The following ARHGAP36 variants were observed in gnomAD, a reference collection of about 807,000 sequenced individuals.
The protein encoded by ARHGAP36 is rho GTPase-activating protein 36.
A neutral mutation model predicts 32.9 loss-of-function variants in ARHGAP36; 7 were observed. The ratio of observed to expected loss-of-function variants is 0.21; its 90% CI spans 0.12 to 0.40. The LOEUF is 0.40. Among genes scored for constraint, ARHGAP36 ranks in the 10% least tolerant of loss-of-function variants. The pLI is 1.00. For missense variants in ARHGAP36, 383 were observed against 442.2 expected (o/e 0.87, Z 1.20); for synonymous variants, 165 against 168.3 (o/e 0.98, Z 0.15).
rs1217602886 is a variant in ARHGAP36 at position 131,063,633 on chromosome X, C to A, written c.-143+5189C>A. Among the ~76,000 whole-genome samples, 25 of 110,640 alleles carry A rather than the reference C, an allele frequency of 2.3e-4. No homozygotes were observed. The Admixed American group carries it at 2.3e-3, about 10-fold the overall frequency. The stretch of plus-strand genomic sequence containing the variant: ...AGTCTGGGAACATCTAGGGGTGGAC[C>A]TCTCAGAGCTTTTCCTGCCATGAAT... On this transcript the variant is annotated intron_variant, in intron 1 of 11. Coordinates refer to ENST00000276211, the MANE Select transcript of ARHGAP36 (RefSeq NM_144967.4).
chrX:131,082,145 A>AG (rs1192317472), intron 2 of ARHGAP36, among the ~76,000 whole-genome samples: 2 of 111,745 alleles, frequency 1.8e-5, no homozygotes, highest in African/African-American at 6.5e-5. Context: ...CTGGGAGTTG[A>AG]GGGGGCAGTA....
chrX:131,082,401 G>T, intron 2 of ARHGAP36, among the ~76,000 whole-genome samples: 1 of 112,740 alleles, frequency 8.9e-6, no homozygotes, highest in Non-Finnish European at 1.9e-5. Flanking sequence ...CGGGCGCGGG[G>T]GCGGCGGCAG....
chrX:131,062,827 A>G (rs991393297), intron 1 of ARHGAP36, among the ~76,000 whole-genome samples: 3 of 112,031 alleles, frequency 2.7e-5, no homozygotes, highest in African/African-American at 9.7e-5. Context: ...TAAGGACAAA[A>G]TCTCAGAGAA....
intron 1 of ARHGAP36, 87 bp from the exon 2 acceptor site, chrX:131,081,437 C>T: frequency 2.8e-6 from 2 of 703,917 alleles, no homozygotes; most frequent in African/African-American, 2.3e-5. Flanking sequence ...TCTCTTTGTA[C>T]TTTTTTTTTC....
rs1197979973 is a variant in ARHGAP36 at position 131,058,512 on chromosome X, C to T, written c.-143+68C>T. The T allele has an allele frequency of 6.8e-5, 63 of 931,371 alleles. No homozygotes were observed. In the East Asian group the frequency reaches 2.6e-3, roughly 38 times the overall value. 76.8% of individuals were successfully genotyped at this position (931,371 alleles called of 1,213,427 possible). On this transcript the variant is annotated intron_variant, in intron 1 of 11. Coordinates refer to ENST00000276211, the MANE Select transcript of ARHGAP36 (RefSeq NM_144967.4). ...GGGGGCGGCCGGCGGCTGCAGCCCC[C>T]TCTGGGCGCCCTGGGGCTTGGCTGG...
intron 9 of ARHGAP36, 39 bp from the exon 10 acceptor site, chrX:131,086,290 C>A: frequency 8.5e-7 from 1 of 1,176,487 alleles, no homozygotes; most frequent in South Asian, 1.8e-5. Flanking sequence ...TGAAAAGGTG[C>A]TGTGTAATGA....
intron 1 of ARHGAP36, among the ~76,000 whole-genome samples, chrX:131,061,595 G>A (rs1354969298): frequency 4.5e-5 from 5 of 111,491 alleles, no homozygotes; most frequent in African/African-American, 6.5e-5. Context: ...AGATGGGACC[G>A]AATCGATTTG....
Position 131,081,633 on chromosome X carries a change from A to G in ARHGAP36, c.-33A>G, listed in dbSNP as rs1433467842. On this transcript the variant is annotated 5_prime_UTR_variant, in exon 2 of 12. An upstream start codon of the reference 5' UTR is lost. Transcript: ENST00000276211. ...CTCCACCAGGTCCAGTGACAATTGGATGATGCAGCCTTGATAATCATCCGA... is the reference window on the plus strand; with the variant it reads ...CTCCACCAGGTCCAGTGACAATTGGGTGATGCAGCCTTGATAATCATCCGA... 4 of 1,002,122 alleles carry G rather than the reference A, an allele frequency of 4.0e-6. No homozygotes were observed. The highest frequency in any genetic ancestry group is 5.2e-6 in the Non-Finnish European group (4 of 769,521). 82.6% of individuals were successfully genotyped at this position (1,002,122 alleles called of 1,213,427 possible).
intron 6 of ARHGAP36, 59 bp downstream of exon 6, chrX:131,084,740 G>C: frequency 5.0e-6 from 6 of 1,196,968 alleles, no homozygotes; most frequent in Non-Finnish European, 6.8e-6. Context: ...GAGGAGGTGG[G>C]GTTTCCCCAT....
chrX:131,085,000 T>C lies in ARHGAP36; in HGVS notation c.891T>C (p.Phe297=), dbSNP rs1238864187. 1.7e-6 allele frequency: 2 copies of C among 1,209,976 alleles called. No homozygotes were observed. The highest frequency in any genetic ancestry group is 1.8e-5 in the South Asian group (1 of 56,769). Residue 297 remains phenylalanine (F), a synonymous_variant, in exon 7 of 12, where the codon TTT becomes TTC. Transcript: ENST00000276211. The part of the protein sequence containing the change: ...VHDVAALLKE[F]FRDMKDSLLP... ...ATGTGGCTGCACTCCTCAAGGAGTT[T>C]TTCCGTGACATGAAGGATTCTCTGC...
chrX:131,085,809 G>T (rs1389440952), intron 8 of ARHGAP36, 73 bp downstream of exon 8: 2 of 1,177,952 alleles, frequency 1.7e-6, no homozygotes, highest in African/African-American at 3.6e-5. Context: ...GCAAGAGGGT[G>T]GATGGAGAGG....
chrX:131,075,061 G>A (rs1003016633), intron 1 of ARHGAP36, among the ~76,000 whole-genome samples: 1 of 112,186 alleles, frequency 8.9e-6, no homozygotes, highest in Non-Finnish European at 1.9e-5. Context: ...GCATTCTTCA[G>A]CAGGGGACAC....
intron 1 of ARHGAP36, among the ~76,000 whole-genome samples, chrX:131,079,678 C>T (rs2079785073): frequency 9.2e-6 from 1 of 108,944 alleles, no homozygotes; most frequent in African/African-American, 3.3e-5. Context: ...TTAAGCTCCC[C>T]ACCCCCCAAA....
rs764210193 is a variant in ARHGAP36, at chrX:131,088,776, C to T, written c.1635C>T (p.Phe545=). The part of the protein sequence containing the change: ...EKEAKTGVSY[F]FP ...AGGCCAAAACTGGCGTCAGCTACTTCTTTCCTTAGATGTTTTTCCTTCTAT... is the reference window on the plus strand; with the variant it reads ...AGGCCAAAACTGGCGTCAGCTACTTTTTTCCTTAGATGTTTTTCCTTCTAT... The change falls in exon 12 of 12, where the codon TTC becomes TTT. Residue 545 remains phenylalanine, a synonymous_variant. Transcript: ENST00000276211. 8.3e-7 allele frequency: 1 copy of T among 1,207,216 alleles called. No individual in the cohort carries two copies. Among genetic ancestry groups the T allele is most frequent in the Admixed American group, 2.2e-5 (1 of 45,159 alleles).
chrX:131,080,934 GTGT>G (rs758573894), intron 1 of ARHGAP36, among the ~76,000 whole-genome samples: 150 of 111,578 alleles, frequency 1.3e-3, no homozygotes, highest in Non-Finnish European at 2.2e-3. Context: ...ATACAATTCT[GTGT>G]TTTGTATTTG....
intron 1 of ARHGAP36, among the ~76,000 whole-genome samples, chrX:131,060,329 C>T (rs2079662050): frequency 8.9e-6 from 1 of 111,781 alleles, no homozygotes; most frequent in Non-Finnish European, 1.9e-5. Flanking sequence ...CTACACCACA[C>T]CCAAGGTACA....
Position 131,083,735 on chromosome X carries a change from T to C in ARHGAP36, c.321T>C (p.Ala107=). Residue 107 remains alanine, a splice_region_variant and synonymous_variant, in exon 4 of 12, where the codon GCT becomes GCC. Coordinates refer to ENST00000276211, the MANE Select transcript of ARHGAP36 (RefSeq NM_144967.4). ...ATTCTTTCTCTCGTGGCTCCCCAGC[T>C]GTATCACACAAGACATTTGGCATTA... The part of the protein sequence containing the change: ...WFLILRGQQR[A]VSHKTFGISL... 3.3e-6 allele frequency: 4 copies of C among 1,209,130 alleles called. No individual in the cohort carries two copies. Among genetic ancestry groups the C allele is most frequent in the Non-Finnish European group, 4.5e-6 (4 of 893,145 alleles).
intron 1 of ARHGAP36, among the ~76,000 whole-genome samples, chrX:131,059,468 C>A (rs1332975133): frequency 1.8e-5 from 2 of 111,122 alleles, no homozygotes; most frequent in Non-Finnish European, 3.8e-5. Flanking sequence ...TCTCCTCTTT[C>A]CTCTGTCCCT....
intron 1 of ARHGAP36, among the ~76,000 whole-genome samples, chrX:131,075,625 G>A (rs1413536553): frequency 1.3e-5 from 1 of 78,403 alleles, no homozygotes. Context: ...GTATATATAT[G>A]TGTGTGTGTG....
Sources: allele counts gnomAD v4.1 joint callset (sites outside exome capture counted in the v4.1 genomes callset), GRCh38; gene constraint gnomAD v4.1.1; transcripts MANE v1.5; gene names NCBI Gene and HGNC (gene_info 2026-07-23, HGNC 2026-07-21).